Variants in EPCIP observed in about 807,000 individuals in gnomAD.
The protein encoded by EPCIP is exosomal polycystin-1-interacting protein.
the EPCIP span, among the ~76,000 whole-genome samples, chr21:32,792,778 G>C: frequency 2.0e-5 from 3 of 151,970 alleles, no homozygotes; most frequent in Non-Finnish European, 4.4e-5. Context: ...TGATCCTAAG[G>C]TCTTACCCTA....
the EPCIP span, chr21:32,793,650 G>T: frequency 2.1e-6 from 2 of 936,914 alleles, no homozygotes; most frequent in Non-Finnish European, 3.5e-6. Context: ...AGCCTGCGGA[G>T]AGAGGCACAG....
the EPCIP span, among the ~76,000 whole-genome samples, chr21:32,795,334 G>A: frequency 0.72 from 109,420 of 152,124 alleles, 40,030 homozygotes; most frequent in East Asian, 0.91. Flanking sequence ...TTAAAGAGCA[G>A]CACCAATGTC....
At chr21:32,805,621 G>A in the EPCIP span, among the ~76,000 whole-genome samples, 2 of 152,048 alleles carry the variant, frequency 1.3e-5, no homozygotes, top group African/African-American at 2.4e-5. Flanking sequence ...CTCAGCCTCC[G>A]AAAGTGCTGG....
chr21:32,792,320 T>C, the EPCIP span, among the ~76,000 whole-genome samples: 1 of 152,258 alleles, frequency 6.6e-6, no homozygotes, highest in Non-Finnish European at 1.5e-5. Context: ...GTTAACCGTG[T>C]CATATAAAAT....
the EPCIP span, among the ~76,000 whole-genome samples, chr21:32,811,411 C>A: frequency 6.6e-6 from 1 of 152,170 alleles, no homozygotes; most frequent in Non-Finnish European, 1.5e-5. Flanking sequence ...GGGTTACAAG[C>A]ATGAGCCACT....
chr21:32,803,986 T>C, the EPCIP span, among the ~76,000 whole-genome samples: 4 of 152,194 alleles, frequency 2.6e-5, no homozygotes, highest in Non-Finnish European at 5.9e-5. Context: ...TTGGTTTCTA[T>C]AGTAGGATCT....
At chr21:32,803,977 T>G in the EPCIP span, among the ~76,000 whole-genome samples, 5 of 152,208 alleles carry the variant, frequency 3.3e-5, no homozygotes, top group African/African-American at 1.2e-4. Context: ...GAATCTCATT[T>G]GGTTTCTATA....
the EPCIP span, among the ~76,000 whole-genome samples, chr21:32,812,713 G>T: frequency 1.3e-5 from 2 of 151,984 alleles, no homozygotes; most frequent in East Asian, 3.9e-4. Flanking sequence ...ATTTTTTAAG[G>T]GTGGGTTTTT....
chr21:32,796,792 G>A, the EPCIP span: 3 of 334,632 alleles, frequency 9.0e-6, no homozygotes, highest in Admixed American at 4.3e-5. Flanking sequence ...CTGGGACTTC[G>A]TGTCCCAGTA....
At chr21:32,791,117 A>C in the EPCIP span, 1 of 152,248 alleles carries the variant, frequency 6.6e-6, no homozygotes, top group Non-Finnish European at 1.5e-5. Context: ...GCCAAATGCC[A>C]TTAATCCCCA....
the EPCIP span, among the ~76,000 whole-genome samples, chr21:32,801,849 GA>G: frequency 1.0e-4 from 15 of 147,140 alleles, no homozygotes; most frequent in South Asian, 4.3e-4. Flanking sequence ...TCTCAAAAGA[GA>G]AAAAAAAAAG....
chr21:32,809,598 G>A, the EPCIP span, among the ~76,000 whole-genome samples: 2 of 151,816 alleles, frequency 1.3e-5, no homozygotes, highest in African/African-American at 2.4e-5. Context: ...ACAACTTCTG[G>A]CCTCAAGAGA....
chr21:32,793,200 G>A, the EPCIP span, among the ~76,000 whole-genome samples: 4 of 151,954 alleles, frequency 2.6e-5, no homozygotes, highest in African/African-American at 4.8e-5. Context: ...CAGGTGATCC[G>A]CCCGCCTCGG....
the EPCIP span, chr21:32,799,117 G>A: frequency 6.6e-6 from 1 of 152,266 alleles, no homozygotes; most frequent in Non-Finnish European, 1.5e-5. Context: ...GACTGAGAGG[G>A]TAGAAGGATG....
the EPCIP span, among the ~76,000 whole-genome samples, chr21:32,809,183 G>A: frequency 1.4e-3 from 6 of 4,330 alleles, no homozygotes; most frequent in Admixed American, 7.5e-3. Flanking sequence ...CGAGGGGTGC[G>A]TGTGTGTGTG....
At chr21:32,808,297 G>GAA in the EPCIP span, among the ~76,000 whole-genome samples, 7 of 132,580 alleles carry the variant, frequency 5.3e-5, no homozygotes, top group African/African-American at 8.3e-5. Flanking sequence ...GGAGATGAGA[G>GAA]AAAAAAAAAA....
chr21:32,799,897 G>A, the EPCIP span, among the ~76,000 whole-genome samples: 5 of 152,134 alleles, frequency 3.3e-5, no homozygotes, highest in South Asian at 2.1e-4. Context: ...AGCCGAGATC[G>A]CACCACTGCA....
At chr21:32,790,974 C>A in the EPCIP span, 1 of 152,246 alleles carries the variant, frequency 6.6e-6, no homozygotes, top group Non-Finnish European at 1.5e-5. Flanking sequence ...AGGATCAGAT[C>A]TGGCCCCATC....
the EPCIP span, chr21:32,794,242 C>T: frequency 1.9e-6 from 3 of 1,614,266 alleles, no homozygotes; most frequent in South Asian, 1.1e-5. Context: ...TACAGTTGCA[C>T]ATCAGGTTGG....
Sources: allele counts gnomAD v4.1 joint callset (sites outside exome capture counted in the v4.1 genomes callset), GRCh38; gene constraint gnomAD v4.1.1; transcripts MANE v1.5; gene names NCBI Gene and HGNC (gene_info 2026-07-23, HGNC 2026-07-21).